DLG2: variants seen among roughly 807,000 people sequenced by gnomAD.
DLG2 encodes the protein discs large MAGUK scaffold protein 2.
Under a neutral mutation model 132.5 loss-of-function variants are expected in DLG2, and 45 were observed. That is an observed-to-expected ratio of 0.34 (90% CI 0.27 to 0.44). DLG2 has a LOEUF of 0.44. Ranked by LOEUF, DLG2 falls within the 20% of genes least tolerant of loss-of-function variation. The pLI, the probability that DLG2 is intolerant of heterozygous loss-of-function variation, is 1.00. For synonymous variants in DLG2, 424 were observed against 419.6 expected (o/e 1.01, Z -0.13); for missense variants, 1,045 against 1,196.9 (o/e 0.87, Z 1.87).
chr11:85,014,446 A>T (rs538994392), intron 6 of DLG2, among the ~76,000 whole-genome samples: 53 of 152,296 alleles, frequency 3.5e-4, no homozygotes, highest in Middle Eastern at 6.8e-3. Flanking sequence ...CCAGTGCACT[A>T]AACAGATGGA....
intron 3 of DLG2, among the ~76,000 whole-genome samples, chr11:85,546,347 G>A (rs1161634240): frequency 6.6e-6 from 1 of 152,170 alleles, no homozygotes; most frequent in Non-Finnish European, 1.5e-5. Flanking sequence ...TTGCACTGTG[G>A]TCTGAGAGAC....
chr11:85,358,850 A>T (rs1371564670), intron 3 of DLG2, among the ~76,000 whole-genome samples: 1 of 152,164 alleles, frequency 6.6e-6, no homozygotes, highest in Non-Finnish European at 1.5e-5. Flanking sequence ...GATTTTAACA[A>T]CTTCTTGTTG....
chr11:84,797,104 C>CCTAAAGT (rs1181196076), intron 6 of DLG2, among the ~76,000 whole-genome samples: 2 of 152,114 alleles, frequency 1.3e-5, no homozygotes, highest in Non-Finnish European at 2.9e-5. Flanking sequence ...GCCTCAGCCT[C>CCTAAAGT]CTAAAGTGCT....
At chr11:84,318,085 G>A (rs1599781706) in intron 7 of DLG2, among the ~76,000 whole-genome samples, 4 of 152,228 alleles carry the variant, frequency 2.6e-5, no homozygotes, top group Admixed American at 1.3e-4. Flanking sequence ...TAGAGTCTGC[G>A]TTTTAAAGTG....
chr11:84,817,003 A>C (rs186221187), intron 6 of DLG2, among the ~76,000 whole-genome samples: 25 of 152,068 alleles, frequency 1.6e-4, no homozygotes, highest in African/African-American at 5.8e-4. Flanking sequence ...ACTTCCTATT[A>C]CATTATACTA....
chr11:84,386,753 G>A (rs182323953), intron 7 of DLG2, among the ~76,000 whole-genome samples: 195 of 152,036 alleles, frequency 1.3e-3, no homozygotes, highest in Non-Finnish European at 2.5e-3. Flanking sequence ...CTCACATCGA[G>A]GTCAAATAGA....
At chr11:84,546,070 T>C (rs968806834) in intron 6 of DLG2, among the ~76,000 whole-genome samples, 6 of 152,180 alleles carry the variant, frequency 3.9e-5, no homozygotes, top group Non-Finnish European at 7.3e-5. Flanking sequence ...GGTGATGTTC[T>C]TCAGTGTCTT....
Position 83,570,101 on chromosome 11 carries a change from T to A in DLG2, c.1941-28243A>T, listed in dbSNP as rs368153223. 5.6e-4 allele frequency among the ~76,000 whole-genome samples: 86 copies of A among 152,324 alleles called. 1 individual carries two copies. The highest frequency in any genetic ancestry group is 1.9e-3 in the African/African-American group (79 of 41,584). On this transcript the variant is annotated intron_variant, in intron 19 of 27. Transcript: ENST00000376104. ...ATGGTATCTACTTCATATCCAGTTG[T>A]TACTATTATTCTAAATATCTATCAC...
intron 3 of DLG2, among the ~76,000 whole-genome samples, chr11:85,417,623 C>T (rs2089974449): frequency 6.6e-6 from 1 of 152,116 alleles, no homozygotes; most frequent in Admixed American, 6.6e-5. Context: ...AATTTCAGAG[C>T]TTGTTATTGG....
intron 4 of DLG2, among the ~76,000 whole-genome samples, chr11:85,170,813 G>T (rs553417289): frequency 6.6e-6 from 1 of 152,040 alleles, no homozygotes; most frequent in Non-Finnish European, 1.5e-5. Flanking sequence ...AGACTTGCTG[G>T]GGATTTTATA....
intron 11 of DLG2, among the ~76,000 whole-genome samples, chr11:84,038,404 A>G (rs1395190394): frequency 6.6e-6 from 1 of 152,156 alleles, no homozygotes; most frequent in Non-Finnish European, 1.5e-5. Flanking sequence ...AAAGCTCAAC[A>G]TCACTGATCA....
chr11:85,396,534 A>C (rs1596888811), intron 3 of DLG2, among the ~76,000 whole-genome samples: 2 of 152,202 alleles, frequency 1.3e-5, no homozygotes, highest in African/African-American at 4.8e-5. Flanking sequence ...CCTTGAAAAA[A>C]GGTTAGACGA....
At chr11:85,128,842 G>A (rs768874846) in intron 5 of DLG2, among the ~76,000 whole-genome samples, 1 of 151,934 alleles carries the variant, frequency 6.6e-6, no homozygotes, top group African/African-American at 2.4e-5. Flanking sequence ...CATACTGAGG[G>A]GTATTCATTA....
intron 18 of DLG2, among the ~76,000 whole-genome samples, chr11:83,660,649 C>T (rs1363885748): frequency 6.6e-6 from 1 of 152,072 alleles, no homozygotes; most frequent in Non-Finnish European, 1.5e-5. Context: ...TAACACTGCC[C>T]ATGTGACTAT....
intron 19 of DLG2, among the ~76,000 whole-genome samples, chr11:83,604,244 A>G (rs1404864212): frequency 4.6e-5 from 7 of 152,228 alleles, no homozygotes; most frequent in Admixed American, 4.6e-4. Flanking sequence ...CACAATGACA[A>G]TGCTTCAAAC....
Position 85,301,695 on chromosome 11 carries a change from C to G in DLG2, c.41-16330G>C, listed in dbSNP as rs188737826. On this transcript the variant is annotated intron_variant, in intron 3 of 27. Transcript: ENST00000376104. Reference sequence around the variant, plus strand: ...GACTTGAATCTCCTGGTTCCCAAACCAAGAAGCTTTCCACTACAGTCATAG... The same window carrying G: ...GACTTGAATCTCCTGGTTCCCAAACGAAGAAGCTTTCCACTACAGTCATAG... 1.4e-4 allele frequency among the ~76,000 whole-genome samples: 21 copies of G among 152,218 alleles called. 1 individual carries two copies. Among genetic ancestry groups the G allele is most frequent in the African/African-American group, 4.1e-4 (17 of 41,536 alleles).
At chr11:84,684,665 C>A (rs118128180) in intron 6 of DLG2, among the ~76,000 whole-genome samples, 5,934 of 152,258 alleles carry the variant, frequency 0.039, 174 homozygotes, top group Non-Finnish European at 0.059. Context: ...CTTCTCTGAG[C>A]CTACTTTCTC....
Position 83,725,024 on chromosome 11 carries a change from G to C in DLG2, c.1825+61666C>G, listed in dbSNP as rs1348428990. ...GTGGCCAAAGCCTGTTAGGAGTGAA[G>C]CAGGTAGGGCTACCTTCCCAGGCTA... On this transcript the variant is annotated intron_variant, in intron 18 of 27. Coordinates refer to ENST00000376104, the MANE Select transcript of DLG2 (RefSeq NM_001142699.3). 1.7e-5 allele frequency: 11 copies of C among 640,100 alleles called. No individual in the cohort carries two copies. The East Asian group carries it at 3.0e-4, about 17-fold the overall frequency. The allele number at this position is 640,100 out of a possible 1,614,324, so 39.7% of individuals were successfully genotyped here.
intron 6 of DLG2, among the ~76,000 whole-genome samples, chr11:84,699,171 G>A (rs1008837500): frequency 1.3e-5 from 2 of 151,534 alleles, no homozygotes; most frequent in Non-Finnish European, 3.0e-5. Flanking sequence ...CAAATGGATA[G>A]AATTTGTAGC....
Sources: gnomAD v4.1 joint callset for allele counts (sites outside exome capture counted in the v4.1 genomes callset) on GRCh38, gnomAD v4.1.1 for gene constraint, MANE v1.5 for transcripts, NCBI Gene and HGNC (gene_info 2026-07-23, HGNC 2026-07-21) for gene names.